The following POLR1G variants were observed in gnomAD, a reference collection of about 807,000 sequenced individuals.
POLR1G encodes the protein RNA polymerase I subunit G, also known as DNA-directed RNA polymerase I subunit RPA34.
A neutral mutation model predicts 6.3 loss-of-function variants in POLR1G; 9 were observed. The observed-to-expected ratio is 1.44, with a 90% CI of 0.87 to 2.51. The LOEUF (loss-of-function observed/expected upper bound fraction) is 2.51, where lower values mean the gene tolerates loss of function less well. Ranked by LOEUF, POLR1G falls within the 30% of genes most tolerant of loss-of-function variation. POLR1G has a pLI of 0.00. For missense variants in POLR1G, 617 were observed against 632.5 expected (o/e 0.98, Z 0.26); for synonymous variants, 248 against 256.5 (o/e 0.97, Z 0.32).
In POLR1G at chr19:45,408,488, A is replaced by G. The variant is rs1973484697; in HGVS notation, c.520A>G (p.Lys174Glu). ...ALAPNLLTSG[K>E]KKKEMQVTEA... ...GGCCCCCAACCTGCTCACCTCAGGG[A>G]AGAAGAAAAAGGAGATGCAGGTGAC... The change falls in exon 3 of 3, where the codon AAG becomes GAG. Residue 174 changes from lysine to glutamate, a missense_variant. Physicochemically the swap from Lys to Glu is moderately conservative, Grantham distance 56 (BLOSUM62 1). Transcript: ENST00000309424. The G allele has an allele frequency of 6.2e-7, 1 of 1,614,010 alleles. No individual in the cohort carries two copies. The highest frequency in any genetic ancestry group is 1.3e-5 in the African/African-American group (1 of 75,048).
rs1439845779 is a variant in POLR1G at position 45,407,986 on chromosome 19, G to A, written c.165-147G>A. The stretch of plus-strand genomic sequence containing the variant: ...GGAGAATCGCTTGAACCCAGGAGGT[G>A]GACATTGCAGTGAGCCGAGATCATG... On this transcript the variant is annotated intron_variant, in intron 2 of 2. Coordinates refer to ENST00000309424, the MANE Select transcript of POLR1G (RefSeq NM_012099.3). The A allele has an allele frequency of 2.9e-6, 3 of 1,037,996 alleles. No individual in the cohort carries two copies. The African/African-American group carries it at 4.8e-5, about 17-fold the overall frequency. The allele number at this position is 1,037,996 out of a possible 1,614,324, so 64.3% of individuals were successfully genotyped here.
Position 45,409,424 on chromosome 19 carries a change from C to A in POLR1G, c.1456C>A (p.Leu486Met). 1 of 1,613,746 alleles carries A rather than the reference C, an allele frequency of 6.2e-7. No homozygotes were observed. Among genetic ancestry groups the A allele is most frequent in the African/African-American group, 1.3e-5 (1 of 75,028 alleles). The part of the protein sequence containing the change: ...VPQEEMPGPP[L>M]NSESGEEAPT... Reference sequence around the variant, plus strand: ...CCAAGAGGAGATGCCAGGGCCGCCACTGAATTCAGAGTCTGGGGAGGAGGC... The same window carrying A: ...CCAAGAGGAGATGCCAGGGCCGCCAATGAATTCAGAGTCTGGGGAGGAGGC... The change falls in exon 3 of 3, where the codon CTG becomes ATG. Residue 486 changes from leucine to methionine, a missense_variant. Physicochemically the swap from Leu to Met is conservative, Grantham distance 15. Transcript: ENST00000309424.
Position 45,409,626 on chromosome 19 carries a change from G to T in POLR1G, c.*125G>T, listed in dbSNP as rs758155521. 1 of 1,548,498 alleles carries T rather than the reference G, an allele frequency of 6.5e-7. No individual in the cohort carries two copies. Among genetic ancestry groups the T allele is most frequent in the East Asian group, 2.3e-5 (1 of 44,414 alleles). On this transcript the variant is annotated 3_prime_UTR_variant, in exon 3 of 3. Transcript: ENST00000309424. Reference sequence around the variant, plus strand: ...GCGCAGCCAGCAGGAGCCTGGCCTGGGAGGACGATTTATTATTACACTGGG... The same window carrying T: ...GCGCAGCCAGCAGGAGCCTGGCCTGTGAGGACGATTTATTATTACACTGGG...
rs1187372053 is a variant in POLR1G, at chr19:45,410,598, G to GTGTGTGTGTGTGTGTGTGTGTGT, written c.*1098_*1099insGTGTGTGTGTGTGTGTGTGTGTT. 1 of 58,654 alleles carries GTGTGTGTGTGTGTGTGTGTGTGT rather than the reference G, an allele frequency of 1.7e-5. No individual in the cohort carries two copies. Among genetic ancestry groups the GTGTGTGTGTGTGTGTGTGTGTGT allele is most frequent in the African/African-American group, 9.9e-5 (1 of 10,140 alleles). The allele number at this position is 58,654 out of a possible 1,614,324, so 3.6% of individuals were successfully genotyped here. A position where few individuals can be genotyped will look rare whatever the true frequency, so the allele number is the denominator to read the frequency against. Reference sequence around the variant, plus strand: ...GTGTGTGTGTGTGTGTGTGTGTGTGGTACCCATTAACCTTCCCCATCTCCC... The same window carrying GTGTGTGTGTGTGTGTGTGTGTGT: ...GTGTGTGTGTGTGTGTGTGTGTGTGGTGTGTGTGTGTGTGTGTGTGTGTTACCCATTAACCTTCCCCATCTCCC... On this transcript the variant is annotated 3_prime_UTR_variant, in exon 3 of 3. Coordinates refer to ENST00000309424, the MANE Select transcript of POLR1G (RefSeq NM_012099.3).
Position 45,409,804 on chromosome 19 carries a change from GTTCT to G in POLR1G, c.*306_*309del, listed in dbSNP as rs1320077095. ...TGGGTAAATCTAGAGTGGGGTTTTG[GTTCT>G]TTATTTTCCCCTATACCCTCAAGCA... is the stretch of plus-strand genomic sequence containing the variant. On this transcript the variant is annotated 3_prime_UTR_variant, in exon 3 of 3. Transcript: ENST00000309424. The G allele has an allele frequency of 2.1e-5, 15 of 720,512 alleles. No individual in the cohort carries two copies. Among genetic ancestry groups the G allele is most frequent in the East Asian group, 5.2e-5 (2 of 38,106 alleles). The allele number at this position is 720,512 out of a possible 1,614,324, so 44.6% of individuals were successfully genotyped here.
chr19:45,409,491 A>AGCC lies in POLR1G; in HGVS notation c.1524_1526dup (p.Pro509dup), dbSNP rs1231816534. Reference sequence around the variant, plus strand: ...AAGAAGCGGAAGCAGCAGCAGCAGCAGCCTGTGTAGTCTGCCCCCGGGAAA... The same window carrying AGCC: ...AAGAAGCGGAAGCAGCAGCAGCAGCAGCCGCCTGTGTAGTCTGCCCCCGGGAAA... On this transcript the variant is annotated inframe_insertion, in exon 3 of 3. Transcript: ENST00000309424. 6.2e-7 allele frequency: 1 copy of AGCC among 1,607,710 alleles called. No homozygotes were observed. The highest frequency in any genetic ancestry group is 8.5e-7 in the Non-Finnish European group (1 of 1,177,728).
In POLR1G at chr19:45,407,203, T is replaced by C. The variant is rs1205834924; in HGVS notation, c.132T>C (p.Leu44=). ...CGGGTCCAGATACGGAGCTGTGGCT[T>C]ATTCAGGCCCCTGCAGACTTTGCCC... ...ALTGPDTELW[L]IQAPADFAPE... The change falls in exon 2 of 3, where the codon CTT becomes CTC. Residue 44 remains leucine, a synonymous_variant. Coordinates refer to ENST00000309424, the MANE Select transcript of POLR1G (RefSeq NM_012099.3). 1 of 1,613,130 alleles carries C rather than the reference T, an allele frequency of 6.2e-7. No individual in the cohort carries two copies. Among genetic ancestry groups the C allele is most frequent in the Non-Finnish European group, 8.5e-7 (1 of 1,179,732 alleles).
Position 45,408,791 on chromosome 19 carries a change from AAC to A in POLR1G, c.826_827del (p.Thr276Ter). ...CAAGACAGTGAAGCAGGAACAGATT[AAC>A]ACTGAGCCTCTAGAAGACACAGTCC... The part of the protein sequence containing the change: ...EDKTVKQEQI[N>X]TEPLEDTVLS... On this transcript the variant is annotated frameshift_variant, in exon 3 of 3. Coordinates refer to ENST00000309424, the MANE Select transcript of POLR1G (RefSeq NM_012099.3). LOFTEE classifies it low-confidence loss of function (END_TRUNC). 6.2e-7 allele frequency: 1 copy of A among 1,613,984 alleles called. No homozygotes were observed. Among genetic ancestry groups the A allele is most frequent in the South Asian group, 1.1e-5 (1 of 91,080 alleles).
At position 45,408,323 on chromosome 19, in the gene POLR1G, G is replaced by A. The variant is rs1475116451; in HGVS notation, c.355G>A (p.Glu119Lys). The change falls in exon 3 of 3, where the codon GAG becomes AAG. Residue 119 changes from glutamate to lysine, a missense_variant. By Grantham distance (56) the Glu-to-Lys change is moderately conservative. Transcript: ENST00000309424. ...SAPQGTLRIL[E>K]GPQQSLSGSP... is the part of the protein sequence containing the mutation. ...CCCCCAGGGCACCCTAAGGATCCTT[G>A]AGGGTCCCCAGCAATCCCTGTCAGG... is the stretch of plus-strand genomic sequence containing the variant. The A allele has an allele frequency of 6.2e-7, 1 of 1,610,258 alleles. No individual in the cohort carries two copies. The highest frequency in any genetic ancestry group is 8.5e-7 in the Non-Finnish European group (1 of 1,177,472).
chr19:45,407,307 G>A (rs1973406709), intron 2 of POLR1G, 72 bp downstream of exon 2: 2 of 1,450,058 alleles, frequency 1.4e-6, no homozygotes, highest in Middle Eastern at 2.1e-4. Flanking sequence ...ATTTGTCACA[G>A]GAAAGAATTA....
Position 45,409,633 on chromosome 19 carries a change from G to C in POLR1G, c.*132G>C. 2.6e-6 allele frequency: 4 copies of C among 1,510,800 alleles called. No individual in the cohort carries two copies. Among genetic ancestry groups the C allele is most frequent in the Non-Finnish European group, 3.7e-6 (4 of 1,089,658 alleles). 93.6% of individuals were successfully genotyped at this position (1,510,800 alleles called of 1,614,324 possible). A position where few individuals can be genotyped will look rare whatever the true frequency, so the allele number is the denominator to read the frequency against. On this transcript the variant is annotated 3_prime_UTR_variant, in exon 3 of 3. Coordinates refer to ENST00000309424, the MANE Select transcript of POLR1G (RefSeq NM_012099.3). ...CAGCAGGAGCCTGGCCTGGGAGGAC[G>C]ATTTATTATTACACTGGGGGTTTCC... is the stretch of plus-strand genomic sequence containing the variant.
chr19:45,408,625 G>A lies in POLR1G; in HGVS notation c.657G>A (p.Gln219=). 3 of 1,613,770 alleles carry A rather than the reference G, an allele frequency of 1.9e-6. No homozygotes were observed. The highest frequency in any genetic ancestry group is 1.7e-6 in the Non-Finnish European group (2 of 1,180,014). Residue 219 remains glutamine (Q), a synonymous_variant, in exon 3 of 3, where the codon CAG becomes CAA. Coordinates refer to ENST00000309424, the MANE Select transcript of POLR1G (RefSeq NM_012099.3). ...DVRKKKKKKN[Q]QLKEPEAAGP... is the part of the protein sequence containing the mutation. ...GGAAGAAGAAGAAGAAAAAAAATCA[G>A]CAGCTGAAAGAACCAGAGGCAGCAG...
At position 45,409,949 on chromosome 19, in the gene POLR1G, T is replaced by C. The variant is rs1973607327; in HGVS notation, c.*448T>C. The C allele has an allele frequency of 5.3e-6, 1 of 190,462 alleles. No homozygotes were observed. Among genetic ancestry groups the C allele is most frequent in the African/African-American group, 2.4e-5 (1 of 41,496 alleles). The allele number at this position is 190,462 out of a possible 1,614,324, so 11.8% of individuals were successfully genotyped here. Reference sequence around the variant, plus strand: ...CTCTGTCGCCCAGGTTGGAGTGCAGTGGCGCAATCTCGGCTCACTGCAAGC... The same window carrying C: ...CTCTGTCGCCCAGGTTGGAGTGCAGCGGCGCAATCTCGGCTCACTGCAAGC... On this transcript the variant is annotated 3_prime_UTR_variant, in exon 3 of 3. Coordinates refer to ENST00000309424, the MANE Select transcript of POLR1G (RefSeq NM_012099.3).
rs965974902 is a variant in POLR1G at position 45,407,783 on chromosome 19, G to A, written c.165-350G>A. The A allele has an allele frequency of 3.1e-5, 8 of 254,400 alleles. No individual in the cohort carries two copies. In the South Asian group the frequency reaches 6.8e-4, roughly 22 times the overall value. 15.8% of individuals were successfully genotyped at this position (254,400 alleles called of 1,614,324 possible). On this transcript the variant is annotated intron_variant, in intron 2 of 2. Transcript: ENST00000309424. ...ATTAAAAACCAGAGGCCAGCCAGGCGCAGTGGCTGGTGCCTGTAATCCCAT... is the reference window on the plus strand; with the variant it reads ...ATTAAAAACCAGAGGCCAGCCAGGCACAGTGGCTGGTGCCTGTAATCCCAT...
At position 45,408,162 on chromosome 19, in the gene POLR1G, G is replaced by T. The variant is rs938848514; in HGVS notation, c.194G>T (p.Gly65Val). Residue 65 changes from glycine (G) to valine (V), a missense_variant, in exon 3 of 3, where the codon GGC becomes GTC. Gly to Val is a moderately radical substitution (Grantham distance 109, BLOSUM62 -3). Coordinates refer to ENST00000309424, the MANE Select transcript of POLR1G (RefSeq NM_012099.3). ...AATGGGCGGCATGTGCCTCTCTCTG[G>T]CTCCCAGATCGTCAAGGGCAAATTG... Reference protein sequence around the residue: ...CFNGRHVPLSGSQIVKGKLAG... With the variant: ...CFNGRHVPLSVSQIVKGKLAG... 17 of 1,607,786 alleles carry T rather than the reference G, an allele frequency of 1.1e-5. No individual in the cohort carries two copies. Among genetic ancestry groups the T allele is most frequent in the Non-Finnish European group, 1.4e-5 (17 of 1,175,486 alleles).
rs1461712069 is a variant in POLR1G, at chr19:45,406,736, C to A, written c.22+18C>A. The A allele has an allele frequency of 4.6e-6, 7 of 1,523,966 alleles. No individual in the cohort carries two copies. The highest frequency in any genetic ancestry group is 8.8e-7 in the Non-Finnish European group (1 of 1,138,360). 94.4% of individuals were successfully genotyped at this position (1,523,966 alleles called of 1,614,324 possible). A position where few individuals can be genotyped will look rare whatever the true frequency, so the allele number is the denominator to read the frequency against. On this transcript the variant is annotated intron_variant, in intron 1 of 2. Coordinates refer to ENST00000309424, the MANE Select transcript of POLR1G (RefSeq NM_012099.3). This position sits in a 1 kb window ranked among gnomAD's most constrained non-coding sequence, Gnocchi z 4.2. ...GGCCGGCGGTGAGGGTGCGGGTTGA[C>A]GGGGTGCGGAGGGTGCGTTGGTGGA...
At position 45,408,312 on chromosome 19, in the gene POLR1G, T is replaced by A. The variant is rs1973473073; in HGVS notation, c.344T>A (p.Leu115Gln). Residue 115 changes from leucine to glutamine, a missense_variant, in exon 3 of 3, where the codon CTA becomes CAA. Physicochemically the swap from Leu to Gln is moderately radical, Grantham distance 113 (BLOSUM62 -2). Transcript: ENST00000309424. Reference protein sequence around the residue: ...LTCASAPQGTLRILEGPQQSL... With the variant: ...LTCASAPQGTQRILEGPQQSL... The stretch of plus-strand genomic sequence containing the variant: ...TGTGCCTCAGCCCCCCAGGGCACCC[T>A]AAGGATCCTTGAGGGTCCCCAGCAA... 2.5e-6 allele frequency: 4 copies of A among 1,611,758 alleles called. No homozygotes were observed. Among genetic ancestry groups the A allele is most frequent in the Non-Finnish European group, 3.4e-6 (4 of 1,178,616 alleles).
At position 45,409,318 on chromosome 19, in the gene POLR1G, G is replaced by A; in HGVS notation, c.1350G>A (p.Gln450=). 1 of 1,614,134 alleles carries A rather than the reference G, an allele frequency of 6.2e-7. No individual in the cohort carries two copies. The highest frequency in any genetic ancestry group is 8.5e-7 in the Non-Finnish European group (1 of 1,180,024). Residue 450 remains glutamine (Q), a synonymous_variant, in exon 3 of 3, where the codon CAG becomes CAA. Coordinates refer to ENST00000309424, the MANE Select transcript of POLR1G (RefSeq NM_012099.3). ...AGCCTGAACTGCCAGGGGAGGGACAGCCTGAAGCCAGGGCAACTCCGGGAT... is the reference window on the plus strand; with the variant it reads ...AGCCTGAACTGCCAGGGGAGGGACAACCTGAAGCCAGGGCAACTCCGGGAT... ...PLEPELPGEG[Q]PEARATPGST... is the part of the protein sequence containing the mutation.
chr19:45,407,054 A>C, intron 1 of POLR1G, 40 bp from the exon 2 acceptor site: 1 of 1,572,320 alleles, frequency 6.4e-7, no homozygotes, highest in Non-Finnish European at 8.6e-7. Context: ...TTGGACCGGC[A>C]AGGAGGTGTC....
Sources: allele counts gnomAD v4.1 joint callset, GRCh38; gene constraint gnomAD v4.1.1; non-coding constraint Gnocchi (gnomAD v3.1); transcripts MANE v1.5; gene names NCBI Gene and HGNC (gene_info 2026-07-23, HGNC 2026-07-21).